The following FBF1 variants were observed in gnomAD, a reference collection of about 807,000 sequenced individuals.
FBF1 encodes Fas binding factor 1.
A neutral mutation model predicts 147.2 loss-of-function variants in FBF1; 119 were observed. The ratio of observed to expected loss-of-function variants is 0.81; its 90% CI spans 0.70 to 0.94. FBF1 has a LOEUF of 0.94. Ranked by LOEUF, FBF1 falls within the 40% of genes least tolerant of loss-of-function variation. The probability of loss-of-function intolerance (pLI) is 0.00; values close to 1 mark genes in which losing one functional copy is unlikely to be tolerated. For synonymous variants in FBF1, 601 were observed against 609.0 expected, an observed-to-expected ratio of 0.99 and a Z score of 0.19; for missense variants, 1,449 against 1,500.8, an observed-to-expected ratio of 0.97 and a Z score of 0.57.
chr17:75,910,365 A>G lies in FBF1; in HGVS notation c.*358T>C, dbSNP rs531170017. On this transcript the variant is annotated 3_prime_UTR_variant, in exon 30 of 30. Coordinates refer to ENST00000636174, the MANE Select transcript of FBF1 (RefSeq NM_001319193.2). This position sits in a 1 kb window ranked among gnomAD's most constrained non-coding sequence, Gnocchi z 4.1. The stretch of plus-strand genomic sequence containing the variant: ...GAAGAGGCCCAGGCAAAAAGAGCCC[A>G]CAACAGTCTACCTGTGGAGCAGGGG... 5.9e-6 allele frequency: 2 copies of G among 337,940 alleles called. No homozygotes were observed. The highest frequency in any genetic ancestry group is 4.2e-5 in the African/African-American group (2 of 47,824). The allele number at this position is 337,940 out of a possible 1,614,324, so 20.9% of individuals were successfully genotyped here. A position where few individuals can be genotyped will look rare whatever the true frequency, so the allele number is the denominator to read the frequency against.
chr17:75,913,673 C>T, intron 28 of FBF1, 29 bp downstream of exon 28: 4 of 1,542,304 alleles, frequency 2.6e-6, no homozygotes, highest in East Asian at 2.4e-5. Flanking sequence ...AGTCCTGAGC[C>T]GCCGGCCCTT....
chr17:75,929,950 A>AAC, intron 7 of FBF1, 47 bp downstream of exon 7: 1 of 214,752 alleles, frequency 4.7e-6, no homozygotes, highest in Non-Finnish European at 9.7e-6. Context: ...TCATGACCCC[A>AAC]CCCCACCCAC....
chr17:75,929,945 A>ACCTC, intron 7 of FBF1, 52 bp downstream of exon 7: 2 of 650,912 alleles, frequency 3.1e-6, no homozygotes, highest in Non-Finnish European at 2.8e-6. Flanking sequence ...AAATATCATG[A>ACCTC]CCCCACCCCA....
At position 75,925,931 on chromosome 17, in the gene FBF1, T is replaced by C; in HGVS notation, c.868+99A>G. 4 of 1,428,310 alleles carry C rather than the reference T, an allele frequency of 2.8e-6. No individual in the cohort carries two copies. The East Asian group carries it at 9.8e-5, about 35-fold the overall frequency. The allele number at this position is 1,428,310 out of a possible 1,614,324, so 88.5% of individuals were successfully genotyped here. A position where few individuals can be genotyped will look rare whatever the true frequency, so the allele number is the denominator to read the frequency against. ...ATAGACGTGTATAATCACATGTGTG[T>C]ATCAGGATGTGAGGCTGATTTCTCA... On this transcript the variant is annotated intron_variant, in intron 12 of 29. Transcript: ENST00000636174. The surrounding 1 kb of genome is among the most constrained non-coding windows in gnomAD (Gnocchi z 5.0).
At position 75,913,992 on chromosome 17, in the gene FBF1, T is replaced by C. The variant is rs765802801; in HGVS notation, c.3050A>G (p.Gln1017Arg). ...CTGCAACCGGGCCTGCTGCTCTGCC[T>C]GCACCTGCTGGGCCTCGCGCAATGC... is the stretch of plus-strand genomic sequence containing the variant. ...ERALREAQQV[Q>R]AEQQARLQAV... The change falls in exon 27 of 30, where the codon CAG (glutamine) becomes CGG (arginine). Residue 1017 changes from glutamine to arginine, a missense_variant. Gln to Arg is a conservative substitution (Grantham distance 43, BLOSUM62 1). Coordinates refer to ENST00000636174, the MANE Select transcript of FBF1 (RefSeq NM_001319193.2). 1 of 1,572,452 alleles carries C rather than the reference T, an allele frequency of 6.4e-7. No individual in the cohort carries two copies. Among genetic ancestry groups the C allele is most frequent in the Non-Finnish European group, 8.6e-7 (1 of 1,166,282 alleles).
Position 75,914,182 on chromosome 17 carries a change from C to A in FBF1, c.2931G>T (p.Arg977Ser), listed in dbSNP as rs767081032. 11 of 1,596,194 alleles carry A rather than the reference C, an allele frequency of 6.9e-6. No homozygotes were observed. Among genetic ancestry groups the A allele is most frequent in the Non-Finnish European group, 9.4e-6 (11 of 1,174,126 alleles). ...ERQELRLEKE[R>S]INATALRVKL... ...TGACACGCAGGGCGGTGGCGTTGAT[C>A]CTCTCCTTCTCCAGCCGCAGCTCCT... Residue 977 changes from arginine (R) to serine (S), a missense_variant, in exon 26 of 30, where the codon AGG (arginine) becomes AGT (serine). Coordinates refer to ENST00000636174, the MANE Select transcript of FBF1 (RefSeq NM_001319193.2).
At position 75,928,194 on chromosome 17, in the gene FBF1, C is replaced by T. The variant is rs2065573905; in HGVS notation, c.280-1G>A. 2 of 1,613,476 alleles carry T rather than the reference C, an allele frequency of 1.2e-6. No homozygotes were observed. The highest frequency in any genetic ancestry group is 1.7e-6 in the Non-Finnish European group (2 of 1,179,674). ...TATCAGCATCCATGCCGTCCAGGTC[C>T]TAGAAAACCAGGGAGGGAGGGCAGA... On this transcript the variant is annotated splice_acceptor_variant, in intron 7 of 29. Coordinates refer to ENST00000636174, the MANE Select transcript of FBF1 (RefSeq NM_001319193.2). LOFTEE classifies it high-confidence loss of function. The surrounding 1 kb of genome is among the most constrained non-coding windows in gnomAD (Gnocchi z 4.2).
chr17:75,924,078 G>A (rs939681882), intron 13 of FBF1, among the ~76,000 whole-genome samples: 1 of 152,084 alleles, frequency 6.6e-6, no homozygotes, highest in Non-Finnish European at 1.5e-5. Flanking sequence ...GTCAGGTGTG[G>A]TGGTGGGCGC....
chr17:75,922,784 C>A lies in FBF1; in HGVS notation c.1424+402G>T, dbSNP rs1267259957. ...GAGCACAGGGACATCTCAGCTCACA[C>A]ACGCCATACTCGCTTCAGTGGAGTC... On this transcript the variant is annotated intron_variant, in intron 14 of 29. Coordinates refer to ENST00000636174, the MANE Select transcript of FBF1 (RefSeq NM_001319193.2). This position sits in a 1 kb window ranked among gnomAD's most constrained non-coding sequence, Gnocchi z 5.0. Among the ~76,000 whole-genome samples the A allele has an allele frequency of 6.6e-6, 1 of 152,260 alleles. No homozygotes were observed. The highest frequency in any genetic ancestry group is 1.5e-5 in the Non-Finnish European group (1 of 68,050).
rs2065498046 is a variant in FBF1 at position 75,917,832 on chromosome 17, C to T, written c.2405G>A (p.Gly802Asp). 6.2e-7 allele frequency: 1 copy of T among 1,606,544 alleles called. No homozygotes were observed. The highest frequency in any genetic ancestry group is 8.5e-7 in the Non-Finnish European group (1 of 1,177,604). Residue 802 changes from glycine (G) to aspartate (D), a missense_variant, in exon 23 of 30, where the codon GGC becomes GAC. Gly to Asp is a moderately conservative substitution (Grantham distance 94, BLOSUM62 -1). Coordinates refer to ENST00000636174, the MANE Select transcript of FBF1 (RefSeq NM_001319193.2). ...CTCCTCCATGTCCCGCTGCTGCTGG[C>T]CCAGCCGCTCCTGCAGTGCTGGGGG... is the stretch of plus-strand genomic sequence containing the variant. Reference protein sequence around the residue: ...EQLRALQERLGQQQRDMEEER... With the variant: ...EQLRALQERLDQQQRDMEEER...
chr17:75,935,454 TC>T (rs2065618561), intron 4 of FBF1, among the ~76,000 whole-genome samples, 177 bp downstream of exon 4: 1 of 151,956 alleles, frequency 6.6e-6, no homozygotes. Flanking sequence ...GGCGCATATA[TC>T]TCAATTTTTA....
chr17:75,912,283 G>T lies in FBF1; in HGVS notation c.3272C>A (p.Thr1091Asn). ...AGTTGGCGGCTGGCTGCACCAACGG[G>T]TGGTGGGAGCAGGAGGCATGAGGGC... The part of the protein sequence containing the change: ...QSALMPPAPT[T>N]RWCSQPPTGL... The change falls in exon 29 of 30, where the codon ACC (threonine) becomes AAC (asparagine). Residue 1091 changes from threonine to asparagine, a missense_variant. By Grantham distance (65) the Thr-to-Asn change is moderately conservative. Transcript: ENST00000636174. 6.2e-7 allele frequency: 1 copy of T among 1,608,110 alleles called. No individual in the cohort carries two copies. The highest frequency in any genetic ancestry group is 8.5e-7 in the Non-Finnish European group (1 of 1,177,690).
At chr17:75,914,092 T>TG in intron 26 of FBF1, 30 bp downstream of exon 26, 1 of 1,594,036 alleles carries the variant, frequency 6.3e-7, no homozygotes, top group South Asian at 1.1e-5. Flanking sequence ...TGGGCTCAGA[T>TG]GCGCCCACGC....
At position 75,913,781 on chromosome 17, in the gene FBF1, G is replaced by T; in HGVS notation, c.3168C>A (p.Asp1056Glu). ...LSLAQQRLQL[D>E]RARQDLPSSL... ...TAGAGGGCAGGTCCTGTCGTGCGCGGTCCAGTTGCAGCCTCTGCTGGGCCA... is the reference window on the plus strand; with the variant it reads ...TAGAGGGCAGGTCCTGTCGTGCGCGTTCCAGTTGCAGCCTCTGCTGGGCCA... The change falls in exon 28 of 30, where the codon GAC becomes GAA. Residue 1056 changes from aspartate to glutamate, a missense_variant. Transcript: ENST00000636174. The T allele has an allele frequency of 6.2e-7, 1 of 1,605,962 alleles. No homozygotes were observed.
chr17:75,911,703 G>A (rs2065457607), intron 29 of FBF1, among the ~76,000 whole-genome samples: 1 of 151,974 alleles, frequency 6.6e-6, no homozygotes, highest in South Asian at 2.1e-4. Context: ...TGGAGACGAG[G>A]TCTCACTATG....
rs764858884 is a variant in FBF1 at position 75,922,836 on chromosome 17, C to T, written c.1424+350G>A. Among the ~76,000 whole-genome samples the T allele has an allele frequency of 1.3e-4, 20 of 152,348 alleles. No homozygotes were observed. Among genetic ancestry groups the T allele is most frequent in the South Asian group, 1.2e-3 (6 of 4,832 alleles). ...GCAGAAGCACCGGCTGTTTGGATGC[C>T]GGGGCTTCCAGCCTGAGGGCGCTGT... On this transcript the variant is annotated intron_variant, in intron 14 of 29. Transcript: ENST00000636174. This position sits in a 1 kb window ranked among gnomAD's most constrained non-coding sequence, Gnocchi z 5.0.
At position 75,929,978 on chromosome 17, in the gene FBF1, G is replaced by C. The variant is rs777247643; in HGVS notation, c.279+19C>G. The C allele has an allele frequency of 2.0e-5, 14 of 687,550 alleles. No individual in the cohort carries two copies. Among genetic ancestry groups the C allele is most frequent in the Non-Finnish European group, 2.8e-5 (13 of 470,566 alleles). 42.6% of individuals were successfully genotyped at this position (687,550 alleles called of 1,614,324 possible). ...CCACCCACCCCCAGTTCTAAGAATC[G>C]TGCAAGCTGTTTCCTTACCTTCATG... On this transcript the variant is annotated intron_variant, in intron 7 of 29. Coordinates refer to ENST00000636174, the MANE Select transcript of FBF1 (RefSeq NM_001319193.2).
Position 75,926,744 on chromosome 17 carries a change from C to T in FBF1, c.595+14G>A, listed in dbSNP as rs759471008. 3 of 1,608,976 alleles carry T rather than the reference C, an allele frequency of 1.9e-6. No homozygotes were observed. Among genetic ancestry groups the T allele is most frequent in the Non-Finnish European group, 1.7e-6 (2 of 1,177,678 alleles). On this transcript the variant is annotated intron_variant, in intron 10 of 29. Transcript: ENST00000636174. ...TCTTCCTCCAGGATGGGAAATGAGC[C>T]CACTCCACCCTACCTTGATCTCTCA... is the stretch of plus-strand genomic sequence containing the variant.
At chr17:75,936,771 A>G (rs1043738074) in intron 3 of FBF1, among the ~76,000 whole-genome samples, 1 of 152,166 alleles carries the variant, frequency 6.6e-6, no homozygotes, top group African/African-American at 2.4e-5. Flanking sequence ...CACACTGGCC[A>G]AAGATCAGTC....
Sources: allele counts gnomAD v4.1 joint callset (sites outside exome capture counted in the v4.1 genomes callset), GRCh38; gene constraint gnomAD v4.1.1; non-coding constraint Gnocchi (gnomAD v3.1); transcripts MANE v1.5; gene names NCBI Gene and HGNC (gene_info 2026-07-23, HGNC 2026-07-21).